AVEN: variants seen among roughly 807,000 people sequenced by gnomAD.
AVEN encodes apoptosis and caspase activation inhibitor.
AVEN carries 41 observed loss-of-function variants against 38.1 expected under a neutral mutation model. That is an observed-to-expected ratio of 1.08 (90% CI 0.84 to 1.40). The LOEUF (loss-of-function observed/expected upper bound fraction) is 1.40. Among genes scored for constraint, AVEN ranks in the 40% most tolerant of loss-of-function variants. The probability of loss-of-function intolerance (pLI) is 0.00; values close to 1 mark genes in which losing one functional copy is unlikely to be tolerated. For synonymous variants in AVEN, 206 were observed against 171.8 expected (o/e 1.20, Z -1.56); for missense variants, 605 against 438.8 (o/e 1.38, Z -3.38).
At chr15:33,928,560 A>T (rs1242461110) in intron 2 of AVEN, among the ~76,000 whole-genome samples, 1 of 152,202 alleles carries the variant, frequency 6.6e-6, no homozygotes, top group Non-Finnish European at 1.5e-5. Flanking sequence ...CAACAAGTAG[A>T]GTGCTCTCCA....
At chr15:33,994,275 G>A (rs964070271) in intron 2 of AVEN, among the ~76,000 whole-genome samples, 1 of 152,180 alleles carries the variant, frequency 6.6e-6, no homozygotes, top group African/African-American at 2.4e-5. Flanking sequence ...AACTGCACAT[G>A]CAAGGGATCC....
At chr15:33,857,223 A>G (rs1456746294), downstream of AVEN, among the ~76,000 whole-genome samples, 1 of 117,588 alleles carries the variant, frequency 8.5e-6, no homozygotes, top group Non-Finnish European at 1.7e-5. Flanking sequence ...GGAGGCGGTA[A>G]GTAAGTCCAG....
rs777912953 is a variant in AVEN, at chr15:34,026,521, G to A, written c.267+12259C>T. On this transcript the variant is annotated intron_variant, in intron 1 of 5. Coordinates refer to ENST00000306730, the MANE Select transcript of AVEN (RefSeq NM_020371.3). ...TCATATAAGGAAATCAGGAGGTAAT[G>A]TGTGTCAATCACATATAAGCTGACG... 9.9e-5 allele frequency among the ~76,000 whole-genome samples: 15 copies of A among 152,118 alleles called. 1 individual carries two copies. Among genetic ancestry groups the A allele is most frequent in the Admixed American group, 4.6e-4 (7 of 15,266 alleles).
chr15:33,981,226 A>G (rs1896129551), intron 2 of AVEN, among the ~76,000 whole-genome samples: 1 of 152,222 alleles, frequency 6.6e-6, no homozygotes, highest in South Asian at 2.1e-4. Flanking sequence ...TATGAAGCGG[A>G]TGAATTTCAT....
chr15:33,865,682 T>C (rs1890271418), downstream of AVEN: 1 of 156,386 alleles, frequency 6.4e-6, no homozygotes, highest in Non-Finnish European at 1.4e-5. Context: ...TTTCCCATGG[T>C]ACTTGCTAGT....
chr15:33,852,050 G>A, the AVEN span: 1 of 12,082 alleles, frequency 8.3e-5, no homozygotes, highest in African/African-American at 1.8e-4. Flanking sequence ...CACCCTGTTG[G>A]GGGAGAGGCG....
intron 2 of AVEN, among the ~76,000 whole-genome samples, chr15:33,998,502 C>T (rs1291867098): frequency 1.3e-5 from 2 of 152,076 alleles, no homozygotes; most frequent in Non-Finnish European, 2.9e-5. Flanking sequence ...AGTCTTGACT[C>T]ACTTCTCCCA....
At chr15:33,871,777 A>AAAAAAAAAAAAAAAAAAC (rs1890965171) in intron 3 of AVEN, among the ~76,000 whole-genome samples, 1 of 151,386 alleles carries the variant, frequency 6.6e-6, no homozygotes, top group Non-Finnish European at 1.5e-5. Context: ...GTCTCCTCAA[A>AAAAAAAAAAAAAAAAAAC]AAAAAAAAAA....
At position 33,868,124 on chromosome 15, in the gene AVEN, T is replaced by G. The variant is rs568689828; in HGVS notation, c.613-269A>C. Among the ~76,000 whole-genome samples the G allele has an allele frequency of 1.1e-4, 16 of 152,310 alleles. No individual in the cohort carries two copies. In the South Asian group the frequency reaches 3.3e-3, roughly 32 times the overall value. On this transcript the variant is annotated intron_variant, in intron 4 of 5. Coordinates refer to ENST00000306730, the MANE Select transcript of AVEN (RefSeq NM_020371.3). ...TGTGCTAACTAGCTCAGATTTGGAA[T>G]GAAAAGATCCATGTCTTCCTAGCCC...
chr15:34,021,656 A>C (rs1010760614), intron 1 of AVEN, among the ~76,000 whole-genome samples: 2 of 151,954 alleles, frequency 1.3e-5, no homozygotes, highest in African/African-American at 4.8e-5. Context: ...GGAGTTTGAG[A>C]CCAGCCTGGC....
chr15:33,953,344 A>C (rs1894823452), intron 2 of AVEN, among the ~76,000 whole-genome samples: 1 of 152,184 alleles, frequency 6.6e-6, no homozygotes, highest in African/African-American at 2.4e-5. Flanking sequence ...AATTCTATGC[A>C]AAAAGAACAA....
downstream of AVEN, chr15:33,857,741 A>G: frequency 6.2e-7 from 1 of 1,611,416 alleles, no homozygotes; most frequent in Non-Finnish European, 8.5e-7. Context: ...GGTAGAGAAG[A>G]CCCCACTCCT....
In AVEN at chr15:34,073,986, C is replaced by CTT. The variant is rs1381411256; in HGVS notation, n.720+448_720+449dup. On this transcript the variant is annotated intron_variant and non_coding_transcript_variant, in intron 1 of 11. Transcript: ENST00000675287. Reference sequence around the variant, plus strand: ...TGGAGGAACTTTCTTTTTTCTTCTTCTTCTTTTTTTTTTTTTTTTTTTTTT... The same window carrying CTT: ...TGGAGGAACTTTCTTTTTTCTTCTTCTTTTCTTTTTTTTTTTTTTTTTTTTTT... 8.9e-4 allele frequency among the ~76,000 whole-genome samples: 100 copies of CTT among 112,180 alleles called. 14 individuals carry two copies. Among genetic ancestry groups the CTT allele is most frequent in the African/African-American group, 3.8e-3 (93 of 24,262 alleles). 73.6% of individuals were successfully genotyped at this position (112,180 alleles called of 152,430 possible). A position where few individuals can be genotyped will look rare whatever the true frequency, so the allele number is the denominator to read the frequency against.
chr15:33,857,106 C>G (rs889864820), downstream of AVEN, among the ~76,000 whole-genome samples: 5 of 152,202 alleles, frequency 3.3e-5, no homozygotes, highest in African/African-American at 1.2e-4. Flanking sequence ...TTATATTTTA[C>G]TTACGCCCAA....
chr15:33,961,572 G>C (rs778060243), intron 2 of AVEN, among the ~76,000 whole-genome samples: 1 of 151,886 alleles, frequency 6.6e-6, no homozygotes, highest in Admixed American at 6.6e-5. Context: ...CCAGCACTTT[G>C]GGAGGCCAAG....
chr15:33,852,804 G>A, the AVEN span: 3 of 414,598 alleles, frequency 7.2e-6, no homozygotes, highest in African/African-American at 4.2e-5. Flanking sequence ...TCATAATTCT[G>A]AGGCAGAAAC....
At chr15:34,022,421 G>T (rs1336607842) in intron 1 of AVEN, among the ~76,000 whole-genome samples, 1 of 152,154 alleles carries the variant, frequency 6.6e-6, no homozygotes, top group Non-Finnish European at 1.5e-5. Context: ...TTAATTAAAA[G>T]AAAGGGCAGC....
downstream of AVEN, chr15:33,865,480 C>G: frequency 2.4e-6 from 1 of 420,228 alleles, no homozygotes; most frequent in Non-Finnish European, 4.3e-6. Context: ...AGGCAAATGC[C>G]TTCAAGTTTT....
intron 2 of AVEN, among the ~76,000 whole-genome samples, chr15:33,979,476 C>A (rs144047390): frequency 2.1e-3 from 320 of 152,284 alleles, no homozygotes; most frequent in African/African-American, 7.1e-3. Flanking sequence ...CAAAGCAAGA[C>A]CCTGTCTCAA....
Sources: gnomAD v4.1 joint callset for allele counts (sites outside exome capture counted in the v4.1 genomes callset) on GRCh38, gnomAD v4.1.1 for gene constraint, MANE v1.5 for transcripts, NCBI Gene and HGNC (gene_info 2026-07-23, HGNC 2026-07-21) for gene names.